PSD2: variants seen among roughly 807,000 people sequenced by gnomAD.
PSD2 encodes PH and SEC7 domain-containing protein 2.
Under a neutral mutation model 69.8 loss-of-function variants are expected in PSD2, and 38 were observed. That is an observed-to-expected ratio of 0.54 (90% CI 0.42 to 0.71). The LOEUF is 0.71. Among genes scored for constraint, PSD2 ranks in the 30% least tolerant of loss-of-function variants. PSD2 has a pLI of 0.00. For missense variants in PSD2, 943 were observed against 1,014.5 expected, an observed-to-expected ratio of 0.93 and a Z score of 0.96; for synonymous variants, 412 against 423.0, an observed-to-expected ratio of 0.97 and a Z score of 0.32.
In PSD2 at chr5:139,839,755, TA is replaced by T. The variant is rs1189557628; in HGVS notation, c.1969-270del. Among the ~76,000 whole-genome samples, 4 of 152,166 alleles carry T rather than the reference TA, an allele frequency of 2.6e-5. No homozygotes were observed. Among genetic ancestry groups the T allele is most frequent in the African/African-American group, 9.7e-5 (4 of 41,422 alleles). The stretch of plus-strand genomic sequence containing the variant: ...GTCAGGGACTGTCTATGTGCACATA[TA>T]AGTGTGAGCATCTCTTGTCTCCCAA... On this transcript the variant is annotated intron_variant, in intron 13 of 14. Transcript: ENST00000274710. This position sits in a 1 kb window ranked among gnomAD's most constrained non-coding sequence, Gnocchi z 5.1.
chr5:139,806,542 C>T (rs1056862631), intron 1 of PSD2, among the ~76,000 whole-genome samples: 19 of 152,340 alleles, frequency 1.2e-4, no homozygotes, highest in African/African-American at 4.6e-4. Flanking sequence ...GCACAGCTGC[C>T]TTTCATCCTT....
intron 7 of PSD2, among the ~76,000 whole-genome samples, chr5:139,828,464 G>T (rs1042167174): frequency 6.6e-6 from 1 of 152,200 alleles, no homozygotes; most frequent in Non-Finnish European, 1.5e-5. Context: ...ACAGGCCAGG[G>T]GTTTGGATGC....
intron 7 of PSD2, among the ~76,000 whole-genome samples, chr5:139,825,787 G>A (rs2126954131): frequency 6.6e-6 from 1 of 152,282 alleles, no homozygotes; most frequent in Admixed American, 6.5e-5. Flanking sequence ...CAGTAACATG[G>A]ATTAGTCTGG....
In PSD2 at chr5:139,814,472, C is replaced by T; in HGVS notation, c.1016+108C>T. On this transcript the variant is annotated intron_variant, in intron 4 of 14. Coordinates refer to ENST00000274710, the MANE Select transcript of PSD2 (RefSeq NM_032289.4). This position sits in a 1 kb window ranked among gnomAD's most constrained non-coding sequence, Gnocchi z 4.4. Reference sequence around the variant, plus strand: ...AGGGGTGCCAGGTGCTGGGGGGGCACTCCCAACAGTTCCCCAAGGACACCT... The same window carrying T: ...AGGGGTGCCAGGTGCTGGGGGGGCATTCCCAACAGTTCCCCAAGGACACCT... 2 of 989,794 alleles carry T rather than the reference C, an allele frequency of 2.0e-6. No individual in the cohort carries two copies. Among genetic ancestry groups the T allele is most frequent in the South Asian group, 1.9e-5 (1 of 53,360 alleles). The allele number at this position is 989,794 out of a possible 1,614,324, so 61.3% of individuals were successfully genotyped here.
chr5:139,830,628 C>CT (rs1177177839), intron 7 of PSD2, among the ~76,000 whole-genome samples: 1 of 112,912 alleles, frequency 8.9e-6, no homozygotes, highest in Non-Finnish European at 1.8e-5. Context: ...CTTTCTTTCT[C>CT]TTTCTTTCTT....
chr5:139,766,906 TCCC>T, the PSD2 span, among the ~76,000 whole-genome samples: 3,499 of 62,870 alleles, frequency 0.056, 531 homozygotes, highest in Middle Eastern at 0.079. Context: ...CCTCTTTCCC[TCCC>T]TTCCTTCCTT....
At chr5:139,798,394 T>C (rs1031955672) in intron 1 of PSD2, among the ~76,000 whole-genome samples, 3 of 152,172 alleles carry the variant, frequency 2.0e-5, no homozygotes, top group African/African-American at 2.4e-5. Flanking sequence ...TGGCCTGGGC[T>C]GGCCTGTGGG....
chr5:139,822,638 C>G lies in PSD2; in HGVS notation c.1211-88C>G, dbSNP rs1044818090. ...GCAGGCGGCCGGCCTCCCTCTGTGT[C>G]CAAGGTCTCCTGACGGGTTCCGTCA... On this transcript the variant is annotated intron_variant, in intron 6 of 14. Transcript: ENST00000274710. 28 of 1,234,716 alleles carry G rather than the reference C, an allele frequency of 2.3e-5. No individual in the cohort carries two copies. In the African/African-American group the frequency reaches 4.3e-4, roughly 19 times the overall value. 76.5% of individuals were successfully genotyped at this position (1,234,716 alleles called of 1,614,324 possible).
At chr5:139,781,375 G>A in the PSD2 span, among the ~76,000 whole-genome samples, 2 of 150,470 alleles carry the variant, frequency 1.3e-5, no homozygotes, top group African/African-American at 4.9e-5. Context: ...TTGCTCTGTT[G>A]CCCAGGCTGG....
the PSD2 span, among the ~76,000 whole-genome samples, chr5:139,752,400 G>T: frequency 3.3e-5 from 5 of 152,098 alleles, no homozygotes; most frequent in Admixed American, 2.6e-4. Context: ...GTGCACACAG[G>T]CAAGGAGACA....
chr5:139,764,804 T>C, the PSD2 span, among the ~76,000 whole-genome samples: 2 of 152,264 alleles, frequency 1.3e-5, no homozygotes, highest in East Asian at 3.9e-4. Context: ...GCCTGTCCTC[T>C]GTCTATGAGC....
At chr5:139,753,541 C>A in the PSD2 span, among the ~76,000 whole-genome samples, 5 of 152,134 alleles carry the variant, frequency 3.3e-5, no homozygotes, top group Non-Finnish European at 5.9e-5. Flanking sequence ...TGCATCCTGA[C>A]CCCTCACTTT....
At chr5:139,781,181 G>A in the PSD2 span, among the ~76,000 whole-genome samples, 65 of 152,294 alleles carry the variant, frequency 4.3e-4, no homozygotes, top group African/African-American at 1.5e-3. Flanking sequence ...CCAGGGCCAA[G>A]GGTGGAGCCT....
chr5:139,780,811 A>C, the PSD2 span, among the ~76,000 whole-genome samples: 1 of 152,316 alleles, frequency 6.6e-6, no homozygotes, highest in African/African-American at 2.4e-5. Flanking sequence ...TGATGAGAGT[A>C]GCAAACTCTC....
chr5:139,827,156 A>T (rs777814976), intron 7 of PSD2, among the ~76,000 whole-genome samples: 1 of 152,028 alleles, frequency 6.6e-6, no homozygotes. Flanking sequence ...ATTCTTCCCC[A>T]CCCACACCTC....
chr5:139,844,126 G>A lies in PSD2; in HGVS notation c.*1652G>A, dbSNP rs746717866. The A allele has an allele frequency of 2.0e-5, 3 of 152,156 alleles. No homozygotes were observed. Among genetic ancestry groups the A allele is most frequent in the South Asian group, 2.1e-4 (1 of 4,834 alleles). 9.4% of individuals were successfully genotyped at this position (152,156 alleles called of 1,614,324 possible). On this transcript the variant is annotated 3_prime_UTR_variant, in exon 15 of 15. Coordinates refer to ENST00000274710, the MANE Select transcript of PSD2 (RefSeq NM_032289.4). ...TGTTCACTTAAATGAAATTGAAAAC[G>A]CCATGTGGCACCACAAAAGAGCTCT...
chr5:139,785,868 C>T, the PSD2 span, among the ~76,000 whole-genome samples: 6 of 152,188 alleles, frequency 3.9e-5, no homozygotes, highest in Admixed American at 2.0e-4. Context: ...GTGGGAAGAT[C>T]GCTTGAGGTC....
the PSD2 span, among the ~76,000 whole-genome samples, chr5:139,790,146 C>G: frequency 6.6e-6 from 1 of 151,954 alleles, no homozygotes. Context: ...AGTCTGGGCA[C>G]GGGAGCTCGC....
intron 2 of PSD2, 88 bp downstream of exon 2, chr5:139,809,899 T>G: frequency 7.1e-7 from 1 of 1,410,350 alleles, no homozygotes. Flanking sequence ...TTTCTCCGGT[T>G]CTTGTTTTTC....
Sources: gnomAD v4.1 joint callset for allele counts (sites outside exome capture counted in the v4.1 genomes callset) on GRCh38, gnomAD v4.1.1 for gene constraint, Gnocchi (gnomAD v3.1) non-coding constraint, MANE v1.5 for transcripts, NCBI Gene and HGNC (gene_info 2026-07-23, HGNC 2026-07-21) for gene names.